Variants in PRKAR1A observed in about 807,000 individuals in gnomAD.
PRKAR1A encodes protein kinase cAMP-dependent type I regulatory subunit alpha, also known as cAMP-dependent protein kinase type I-alpha regulatory subunit.
Under a neutral mutation model 52.0 loss-of-function variants are expected in PRKAR1A, and 3 were observed. That is an observed-to-expected ratio of 0.06 (90% CI 0.03 to 0.15). The LOEUF is 0.15. Among genes scored for constraint, PRKAR1A ranks in the 10% least tolerant of loss-of-function variants. The probability of loss-of-function intolerance (pLI) is 1.00; values close to 1 mark genes in which losing one functional copy is unlikely to be tolerated. For missense variants in PRKAR1A, 240 were observed against 477.4 expected (o/e 0.50, Z 4.63); for synonymous variants, 188 against 168.4 (o/e 1.12, Z -0.90).
chr17:68,492,113 G>T, the PRKAR1A span, among the ~76,000 whole-genome samples: 30 of 152,200 alleles, frequency 2.0e-4, no homozygotes, highest in Admixed American at 2.0e-3. Flanking sequence ...AACAGGGAGC[G>T]TGTGTTTAAG....
At chr17:68,450,745 T>C in the PRKAR1A span, 1 of 1,612,720 alleles carries the variant, frequency 6.2e-7, no homozygotes, top group Admixed American at 1.7e-5. Context: ...TTCAGCCTTA[T>C]GGACAAGATG....
chr17:68,489,316 GTA>G, the PRKAR1A span, among the ~76,000 whole-genome samples: 149 of 26,154 alleles, frequency 5.7e-3, 9 homozygotes, highest in Middle Eastern at 0.045. Flanking sequence ...TATATGGAAA[GTA>G]TATATATATA....
the PRKAR1A span, chr17:68,424,603 C>T: frequency 2.1e-5 from 10 of 470,438 alleles, no homozygotes; most frequent in Non-Finnish European, 3.9e-5. Flanking sequence ...CGGCCGGGTG[C>T]GGCGGTTCAC....
At chr17:68,447,984 C>CAAAAAAAA in the PRKAR1A span, among the ~76,000 whole-genome samples, 1 of 80,276 alleles carries the variant, frequency 1.2e-5, no homozygotes, top group Non-Finnish European at 2.5e-5. Flanking sequence ...GACTCTATCT[C>CAAAAAAAA]AAAAAAAAAA....
the PRKAR1A span, among the ~76,000 whole-genome samples, chr17:68,416,880 T>G: frequency 6.6e-6 from 1 of 152,244 alleles, no homozygotes; most frequent in Admixed American, 6.5e-5. Context: ...CTTCTTGTAT[T>G]GATTTTTGGA....
the PRKAR1A span, chr17:68,451,006 G>C: frequency 7.0e-7 from 1 of 1,422,694 alleles, no homozygotes; most frequent in Non-Finnish European, 9.3e-7. Context: ...GGTTCTCCGG[G>C]TCTTGCCGGC....
At chr17:68,457,269 C>T in the PRKAR1A span, 431,639 of 1,506,508 alleles carry the variant, frequency 0.29, 64,057 homozygotes, top group Non-Finnish European at 0.31. Context: ...CCACAAGCTG[C>T]TCTCAGGACG....
chr17:68,462,207 C>A, the PRKAR1A span, among the ~76,000 whole-genome samples: 1 of 152,156 alleles, frequency 6.6e-6, no homozygotes, highest in Admixed American at 6.5e-5. Flanking sequence ...ATTTTTGCCT[C>A]CAGAATAGCC....
At chr17:68,509,869 C>T (rs1237607597), upstream of PRKAR1A, among the ~76,000 whole-genome samples, 2 of 152,092 alleles carry the variant, frequency 1.3e-5, no homozygotes, top group African/African-American at 4.8e-5. Flanking sequence ...GGAAATGGCC[C>T]GTGGCTGGAC....
chr17:68,465,357 G>C, the PRKAR1A span, among the ~76,000 whole-genome samples: 1 of 152,262 alleles, frequency 6.6e-6, no homozygotes, highest in Non-Finnish European at 1.5e-5. Flanking sequence ...CTTCCCTTCT[G>C]CTGGGAGCCT....
chr17:68,423,542 C>G, the PRKAR1A span, among the ~76,000 whole-genome samples: 1 of 152,164 alleles, frequency 6.6e-6, no homozygotes, highest in African/African-American at 2.4e-5. The surrounding 1 kb of genome is among the most constrained non-coding windows in gnomAD (Gnocchi z 4.4). Flanking sequence ...GTTCAGTGAC[C>G]ACTCTCACTG....
the PRKAR1A span, among the ~76,000 whole-genome samples, chr17:68,498,543 C>G: frequency 6.6e-6 from 1 of 152,184 alleles, no homozygotes; most frequent in African/African-American, 2.4e-5. Flanking sequence ...GCACTGGGTA[C>G]AGTCAGGGTC....
chr17:68,481,554 T>C, the PRKAR1A span, among the ~76,000 whole-genome samples: 1 of 152,202 alleles, frequency 6.6e-6, no homozygotes, highest in African/African-American at 2.4e-5. Flanking sequence ...CTAATGCCCA[T>C]GCTGATCTGA....
chr17:68,454,742 T>G, the PRKAR1A span, among the ~76,000 whole-genome samples: 3 of 152,206 alleles, frequency 2.0e-5, no homozygotes, highest in African/African-American at 7.2e-5. Context: ...GGCTGCGAAA[T>G]GAGGTTTGTA....
At chr17:68,457,314 C>T in the PRKAR1A span, 3 of 1,539,726 alleles carry the variant, frequency 1.9e-6, no homozygotes, top group Non-Finnish European at 2.6e-6. Context: ...TCCCCCACCT[C>T]CCTGGCAGGG....
the PRKAR1A span, among the ~76,000 whole-genome samples, chr17:68,416,502 G>A: frequency 3.7e-4 from 56 of 152,206 alleles, 2 homozygotes; most frequent in Non-Finnish European, 3.1e-4. Context: ...CTTGTATTTG[G>A]ATGTCTAGGT....
chr17:68,523,365 G>A (rs535508787), intron 3 of PRKAR1A, among the ~76,000 whole-genome samples: 5 of 152,296 alleles, frequency 3.3e-5, no homozygotes, highest in African/African-American at 9.6e-5. Context: ...CCTGGCACTT[G>A]AGGCTTGTGA....
upstream of PRKAR1A, among the ~76,000 whole-genome samples, chr17:68,507,972 T>A (rs542951019): frequency 3.3e-5 from 5 of 152,238 alleles, no homozygotes; most frequent in Admixed American, 6.5e-5. Flanking sequence ...AATGTATTTT[T>A]TTTTTGTACA....
chr17:68,451,926 G>A, the PRKAR1A span, among the ~76,000 whole-genome samples: 1 of 152,192 alleles, frequency 6.6e-6, no homozygotes, highest in South Asian at 2.1e-4. Context: ...AAGGCCCACA[G>A]GGAACAATGT....
Sources: gnomAD v4.1 joint callset for allele counts (sites outside exome capture counted in the v4.1 genomes callset) on GRCh38, gnomAD v4.1.1 for gene constraint, Gnocchi (gnomAD v3.1) non-coding constraint, MANE v1.5 for transcripts, NCBI Gene and HGNC (gene_info 2026-07-23, HGNC 2026-07-21) for gene names.